Variants in SH3RF1 observed in about 807,000 individuals in gnomAD.
The protein encoded by SH3RF1 is SH3 domain containing ring finger 1, also known as E3 ubiquitin-protein ligase SH3RF1.
Under a neutral mutation model 74.0 loss-of-function variants are expected in SH3RF1, and 32 were observed. The ratio of observed to expected loss-of-function variants is 0.43; its 90% confidence interval spans 0.33 to 0.58. The LOEUF is 0.58. SH3RF1 is among the 20% of genes least tolerant of loss of function. The probability of loss-of-function intolerance (pLI) is 0.05; values close to 1 mark genes in which losing one functional copy is unlikely to be tolerated. For synonymous variants in SH3RF1, 396 were observed against 439.6 expected (o/e 0.90, Z 1.24); for missense variants, 954 against 1,130.9 (o/e 0.84, Z 2.24).
rs375178955 is a variant in SH3RF1, at chr4:169,234,324, C to A, written c.393+34496G>T. 1.4e-4 allele frequency among the ~76,000 whole-genome samples: 21 copies of A among 152,004 alleles called. 1 individual carries two copies. The highest frequency in any genetic ancestry group is 9.2e-4 in the Admixed American group (14 of 15,246). ...ACAAAAGAAACACCCTCCCCACCCCCCAAAAAGAATTATTCAGTCTAAAAT... is the reference window on the plus strand; with the variant it reads ...ACAAAAGAAACACCCTCCCCACCCCACAAAAAGAATTATTCAGTCTAAAAT... On this transcript the variant is annotated intron_variant, in intron 2 of 11. Coordinates refer to ENST00000284637, the MANE Select transcript of SH3RF1 (RefSeq NM_020870.4).
intron 2 of SH3RF1, among the ~76,000 whole-genome samples, chr4:169,221,439 C>T (rs948160405): frequency 1.3e-5 from 2 of 152,120 alleles, no homozygotes; most frequent in African/African-American, 4.8e-5. Flanking sequence ...CTTAAAATTA[C>T]TCAACTTGCT....
At chr4:169,132,104 T>C (rs530892036) in intron 5 of SH3RF1, among the ~76,000 whole-genome samples, 1 of 152,334 alleles carries the variant, frequency 6.6e-6, no homozygotes, top group African/African-American at 2.4e-5. Context: ...TTTCCTTGCT[T>C]TGTGTGTTTT....
intron 6 of SH3RF1, among the ~76,000 whole-genome samples, chr4:169,128,230 C>T (rs2126949945): frequency 6.6e-6 from 1 of 152,182 alleles, no homozygotes; most frequent in Non-Finnish European, 1.5e-5. Flanking sequence ...GAGAGTCTCC[C>T]CTGGAGATGA....
At chr4:169,254,907 C>A (rs1183502668) in intron 2 of SH3RF1, among the ~76,000 whole-genome samples, 1 of 152,036 alleles carries the variant, frequency 6.6e-6, no homozygotes, top group African/African-American at 2.4e-5. Flanking sequence ...GTTATTCAGT[C>A]CAGATAAAAA....
In SH3RF1 at chr4:169,200,878, G is replaced by C. The variant is rs866650107; in HGVS notation, c.394-44199C>G. 3.9e-5 allele frequency among the ~76,000 whole-genome samples: 6 copies of C among 152,224 alleles called. No homozygotes were observed. In the Middle Eastern group the frequency reaches 0.017, roughly 431 times the overall value. On this transcript the variant is annotated intron_variant, in intron 2 of 11. Coordinates refer to ENST00000284637, the MANE Select transcript of SH3RF1 (RefSeq NM_020870.4). The stretch of plus-strand genomic sequence containing the variant: ...AACTGGTAAGTTTCTAGAGCTTAAT[G>C]GGTCAGAACAGCTATGAGGTCCCTG...
intron 4 of SH3RF1, among the ~76,000 whole-genome samples, chr4:169,146,707 C>A (rs568589381): frequency 6.6e-6 from 1 of 151,802 alleles, no homozygotes; most frequent in Middle Eastern, 3.2e-3. Context: ...CAGGGGTAAG[C>A]GATTCTCTTG....
rs1325225516 is a variant in SH3RF1 at position 169,172,874 on chromosome 4, G to C, written c.394-16195C>G. Among the ~76,000 whole-genome samples the C allele has an allele frequency of 2.0e-5, 3 of 152,310 alleles. No individual in the cohort carries two copies. The East Asian group carries it at 5.8e-4, about 29-fold the overall frequency. On this transcript the variant is annotated intron_variant, in intron 2 of 11. Transcript: ENST00000284637. ...AAAACAGTAATAGCACTTACCCCTG[G>C]AAAGCAGGACTAGGGTAGGAGAGAA...
chr4:169,239,823 C>T (rs911904268), intron 2 of SH3RF1, among the ~76,000 whole-genome samples: 2 of 152,048 alleles, frequency 1.3e-5, no homozygotes, highest in African/African-American at 2.4e-5. Context: ...GAGTTCAAGA[C>T]CAGCTTGGAC....
intron 2 of SH3RF1, among the ~76,000 whole-genome samples, chr4:169,195,989 T>A (rs1424167177): frequency 1.3e-5 from 2 of 152,148 alleles, no homozygotes; most frequent in African/African-American, 4.8e-5. Flanking sequence ...AATTTTTATA[T>A]TTTTAGTAGA....
chr4:169,255,853 G>A (rs954990348), intron 2 of SH3RF1, among the ~76,000 whole-genome samples: 4 of 151,162 alleles, frequency 2.6e-5, no homozygotes, highest in African/African-American at 4.9e-5. Flanking sequence ...CTGCAGCCTC[G>A]ACCTCCTGGA....
intron 2 of SH3RF1, among the ~76,000 whole-genome samples, chr4:169,230,652 A>G (rs1730722309): frequency 2.0e-5 from 3 of 152,144 alleles, no homozygotes. Context: ...TGAGGTCAGG[A>G]GTTCAAGACC....
At chr4:169,170,993 G>C (rs1322327531) in intron 2 of SH3RF1, among the ~76,000 whole-genome samples, 1 of 152,168 alleles carries the variant, frequency 6.6e-6, no homozygotes, top group African/African-American at 2.4e-5. Context: ...AAAAACACTT[G>C]TCTTTAAACT....
chr4:169,136,022 T>G (rs1410059963), intron 5 of SH3RF1, among the ~76,000 whole-genome samples: 24 of 152,220 alleles, frequency 1.6e-4, no homozygotes, highest in Non-Finnish European at 2.9e-5. Context: ...GAGAAAGTTC[T>G]GTAAGGCTGA....
intron 2 of SH3RF1, among the ~76,000 whole-genome samples, chr4:169,224,743 T>A (rs553234852): frequency 6.6e-6 from 1 of 152,328 alleles, no homozygotes; most frequent in South Asian, 2.1e-4. Flanking sequence ...TATGACAGCT[T>A]GGCTTGGGTA....
At chr4:169,174,610 T>C (rs1291018885) in intron 2 of SH3RF1, among the ~76,000 whole-genome samples, 1 of 152,170 alleles carries the variant, frequency 6.6e-6, no homozygotes, top group Admixed American at 6.5e-5. Context: ...CATTTGCTCT[T>C]TTCTAACTAA....
At chr4:169,258,766 A>T (rs1731229369) in intron 2 of SH3RF1, among the ~76,000 whole-genome samples, 1 of 152,216 alleles carries the variant, frequency 6.6e-6, no homozygotes, top group Non-Finnish European at 1.5e-5. Flanking sequence ...TATAATGTTT[A>T]TTCTATGTGT....
chr4:169,266,993 T>C (rs888680605), intron 2 of SH3RF1, among the ~76,000 whole-genome samples: 1 of 152,156 alleles, frequency 6.6e-6, no homozygotes, highest in African/African-American at 2.4e-5. Flanking sequence ...CAAGTAATTT[T>C]TCTCATGCTA....
At chr4:169,129,499 A>G (rs1377886024) in intron 6 of SH3RF1, among the ~76,000 whole-genome samples, 3 of 152,118 alleles carry the variant, frequency 2.0e-5, no homozygotes, top group African/African-American at 7.2e-5. Flanking sequence ...TATCTGTAGG[A>G]TGTCATGTTT....
At chr4:169,216,559 C>G (rs28513122) in intron 2 of SH3RF1, among the ~76,000 whole-genome samples, 117 of 152,156 alleles carry the variant, frequency 7.7e-4, no homozygotes, top group African/African-American at 2.7e-3. Context: ...ATGCTTTCTC[C>G]GCCAGGAATG....
Sources: allele counts gnomAD v4.1 joint callset (sites outside exome capture counted in the v4.1 genomes callset), GRCh38; gene constraint gnomAD v4.1.1; transcripts MANE v1.5; gene names NCBI Gene and HGNC (gene_info 2026-07-23, HGNC 2026-07-21).